The following SNTB1 variants were observed in gnomAD, a reference collection of about 807,000 sequenced individuals.
SNTB1 encodes the protein beta-1-syntrophin.
In SNTB1, 36 loss-of-function variants were observed where a neutral mutation model predicts 48.9. That is an observed-to-expected ratio of 0.74 (90% confidence interval 0.56 to 0.97). SNTB1 has a LOEUF of 0.97. SNTB1 is among the 50% of genes least tolerant of loss of function. The pLI, the probability that SNTB1 is intolerant of heterozygous loss-of-function variation, is 0.00. For synonymous variants in SNTB1, 299 were observed against 294.6 expected, an observed-to-expected ratio of 1.01 and a Z score of -0.15; for missense variants, 786 against 703.4, an observed-to-expected ratio of 1.12 and a Z score of -1.33.
At chr8:120,640,031 G>C (rs1430478862) in intron 2 of SNTB1, among the ~76,000 whole-genome samples, 1 of 151,684 alleles carries the variant, frequency 6.6e-6, no homozygotes, top group Admixed American at 6.6e-5. Flanking sequence ...TCTTCCATTT[G>C]TTTGTATCCT....
intron 2 of SNTB1, among the ~76,000 whole-genome samples, chr8:120,687,139 C>T (rs1467320315): frequency 6.6e-6 from 1 of 152,056 alleles, no homozygotes; most frequent in African/African-American, 2.4e-5. Flanking sequence ...CAATAATGTA[C>T]CCCCAAACAC....
chr8:120,649,270 G>A (rs1007133157), intron 2 of SNTB1, among the ~76,000 whole-genome samples: 1 of 151,344 alleles, frequency 6.6e-6, no homozygotes, highest in Non-Finnish European at 1.5e-5. Flanking sequence ...CAGTTTTCCT[G>A]TTCTGTTTTT....
chr8:120,737,868 A>G (rs1053239417), intron 1 of SNTB1, among the ~76,000 whole-genome samples: 2 of 152,176 alleles, frequency 1.3e-5, no homozygotes, highest in Non-Finnish European at 2.9e-5. Flanking sequence ...AATCCAGTTG[A>G]TATGTCCATA....
At chr8:120,775,745 A>AGGAAGGAG (rs1819724286) in intron 1 of SNTB1, among the ~76,000 whole-genome samples, 1 of 150,726 alleles carries the variant, frequency 6.6e-6, no homozygotes, top group East Asian at 1.9e-4. Context: ...GAAGGAAGGA[A>AGGAAGGAG]GGAAGGAAGG....
chr8:120,564,237 C>T (rs1475121134), intron 4 of SNTB1, among the ~76,000 whole-genome samples: 1 of 152,038 alleles, frequency 6.6e-6, no homozygotes, highest in Non-Finnish European at 1.5e-5. Context: ...CTAAGATGAG[C>T]TGGTTAAAGC....
At chr8:120,540,404 TAGGCAGAA>T (rs1458393282) in intron 6 of SNTB1, among the ~76,000 whole-genome samples, 1 of 152,212 alleles carries the variant, frequency 6.6e-6, no homozygotes, top group East Asian at 1.9e-4. Context: ...GCTGTAATTA[TAGGCAGAA>T]AGGCTGAAAT....
chr8:120,593,074 A>C (rs1816269991), intron 3 of SNTB1, among the ~76,000 whole-genome samples: 1 of 152,042 alleles, frequency 6.6e-6, no homozygotes, highest in African/African-American at 2.4e-5. Context: ...AAACAAAAAA[A>C]CTCAGACACT....
chr8:120,763,186 A>G (rs974823384), intron 1 of SNTB1, among the ~76,000 whole-genome samples: 2 of 152,208 alleles, frequency 1.3e-5, no homozygotes, highest in African/African-American at 2.4e-5. Context: ...TCGCATTACT[A>G]TATGTGCTTA....
At chr8:120,642,829 T>C (rs1174461819) in intron 2 of SNTB1, among the ~76,000 whole-genome samples, 2 of 152,160 alleles carry the variant, frequency 1.3e-5, no homozygotes, top group Non-Finnish European at 2.9e-5. Context: ...GGAGGATTGC[T>C]TGGGCCCAGG....
chr8:120,790,064 G>C (rs896038090), intron 1 of SNTB1, among the ~76,000 whole-genome samples: 7 of 151,964 alleles, frequency 4.6e-5, no homozygotes. Flanking sequence ...TTTTATTCCA[G>C]GGATGGAGGC....
intron 3 of SNTB1, among the ~76,000 whole-genome samples, chr8:120,583,367 G>A (rs916516911): frequency 6.6e-6 from 1 of 151,896 alleles, no homozygotes; most frequent in Admixed American, 6.6e-5. Flanking sequence ...TTAGCCAGGC[G>A]TGGTGGTGGG....
At chr8:120,702,801 A>C (rs970853420) in intron 1 of SNTB1, among the ~76,000 whole-genome samples, 4 of 152,200 alleles carry the variant, frequency 2.6e-5, no homozygotes, top group Non-Finnish European at 4.4e-5. Flanking sequence ...GCCAGACTAT[A>C]CAGTTCACAT....
At chr8:120,564,858 A>G (rs1815724641) in intron 4 of SNTB1, among the ~76,000 whole-genome samples, 1 of 152,182 alleles carries the variant, frequency 6.6e-6, no homozygotes, top group East Asian at 1.9e-4. Flanking sequence ...GGTGTGAGCC[A>G]CTGCGCCCAG....
At chr8:120,635,965 C>A in intron 2 of SNTB1, 1 of 561,352 alleles carries the variant, frequency 1.8e-6, no homozygotes, top group South Asian at 2.3e-5. Context: ...CAGATATGCC[C>A]TCTCCTTTAC....
intron 5 of SNTB1, among the ~76,000 whole-genome samples, chr8:120,543,581 T>C (rs557139148): frequency 6.8e-4 from 104 of 152,282 alleles, no homozygotes; most frequent in African/African-American, 2.4e-3. Context: ...TCCCTTCTCA[T>C]GCTCTGGCAC....
chr8:120,671,430 A>G (rs538078579), intron 2 of SNTB1, among the ~76,000 whole-genome samples: 1 of 152,384 alleles, frequency 6.6e-6, no homozygotes, highest in East Asian at 1.9e-4. Context: ...TGATATACAC[A>G]TACAGAGAAG....
chr8:120,733,002 C>G (rs770575908), intron 1 of SNTB1, among the ~76,000 whole-genome samples: 1 of 152,180 alleles, frequency 6.6e-6, no homozygotes, highest in Non-Finnish European at 1.5e-5. Flanking sequence ...TTCATTAGAA[C>G]TGTTGCTATT....
intron 1 of SNTB1, chr8:120,775,292 C>T (rs907518784): frequency 1.3e-5 from 2 of 152,162 alleles, no homozygotes; most frequent in Admixed American, 6.5e-5. Context: ...ATCCCAGCGA[C>T]ATTCATTCCG....
chr8:120,708,258 C>T (rs548032749), intron 1 of SNTB1, among the ~76,000 whole-genome samples: 1 of 151,718 alleles, frequency 6.6e-6, no homozygotes, highest in African/African-American at 2.4e-5. Context: ...AGTCTTGTAA[C>T]TCTTAAAGGA....
Sources: gnomAD v4.1 joint callset for allele counts (sites outside exome capture counted in the v4.1 genomes callset) on GRCh38, gnomAD v4.1.1 for gene constraint, MANE v1.5 for transcripts, NCBI Gene and HGNC (gene_info 2026-07-23, HGNC 2026-07-21) for gene names.